REEP1: variants seen among roughly 807,000 people sequenced by gnomAD.
REEP1 encodes the protein receptor accessory protein 1.
In REEP1, 22 loss-of-function variants were observed where a neutral mutation model predicts 40.3. The ratio of observed to expected loss-of-function variants is 0.55; its 90% CI spans 0.39 to 0.78. The LOEUF (loss-of-function observed/expected upper bound fraction) is 0.78. REEP1 is among the 30% of genes least tolerant of loss of function. The pLI, the probability that REEP1 is intolerant of heterozygous loss-of-function variation, is 0.00. For missense variants in REEP1, 280 were observed against 361.1 expected (o/e 0.78, Z 1.82); for synonymous variants, 116 against 139.2 (o/e 0.83, Z 1.17).
chr2:86,272,187 A>C (rs1416099010), intron 2 of REEP1, among the ~76,000 whole-genome samples: 2 of 152,174 alleles, frequency 1.3e-5, no homozygotes, highest in Admixed American at 6.5e-5. Context: ...ACGCCACTGC[A>C]CTCCAGCCTG....
chr2:86,283,414 T>C (rs905418790), intron 1 of REEP1, among the ~76,000 whole-genome samples: 11 of 152,086 alleles, frequency 7.2e-5, no homozygotes, highest in Admixed American at 3.3e-4. Flanking sequence ...TGAGCTGACA[T>C]CTCCTGTGAC....
chr2:86,229,560 C>T (rs1360596057), intron 6 of REEP1, among the ~76,000 whole-genome samples: 3 of 151,318 alleles, frequency 2.0e-5, no homozygotes, highest in African/African-American at 7.3e-5. Context: ...GAAATTCTGC[C>T]CCATATCCAC....
At chr2:86,254,899 G>T (rs1676472726) in intron 3 of REEP1, 85 bp from the exon 4 acceptor site, 1 of 1,491,490 alleles carries the variant, frequency 6.7e-7, no homozygotes, top group Non-Finnish European at 9.2e-7. Context: ...GGGTGGCAAG[G>T]ACGCCTCTCC....
intron 2 of REEP1, among the ~76,000 whole-genome samples, chr2:86,268,313 G>A (rs1008388063): frequency 1.3e-5 from 2 of 152,182 alleles, no homozygotes; most frequent in Non-Finnish European, 2.9e-5. Context: ...AGGATACAAG[G>A]TTAATGTATA....
chr2:86,237,042 T>A (rs1383044771), intron 5 of REEP1, among the ~76,000 whole-genome samples: 1 of 152,242 alleles, frequency 6.6e-6, no homozygotes, highest in Non-Finnish European at 1.5e-5. Flanking sequence ...CAGATTTTCA[T>A]CAATTTTAAG....
At position 86,326,078 on chromosome 2, in the gene REEP1, C is replaced by A. The variant is rs1442170020; in HGVS notation, c.32+11401G>T. Among the ~76,000 whole-genome samples, 7 of 152,290 alleles carry A rather than the reference C, an allele frequency of 4.6e-5. No homozygotes were observed. The East Asian group carries it at 1.3e-3, about 29-fold the overall frequency. On this transcript the variant is annotated intron_variant, in intron 1 of 8. Coordinates refer to ENST00000538924, the MANE Select transcript of REEP1 (RefSeq NM_001371279.1). The stretch of plus-strand genomic sequence containing the variant: ...CCTACAATTTCCAACCAAAGCCAGA[C>A]AAGTCATTCACACACACCCACAAAA...
intron 1 of REEP1, among the ~76,000 whole-genome samples, chr2:86,335,251 T>G (rs898397346): frequency 6.6e-6 from 1 of 152,214 alleles, no homozygotes; most frequent in East Asian, 1.9e-4. Flanking sequence ...AAATATTGTC[T>G]TCATGAAACA....
intron 6 of REEP1, among the ~76,000 whole-genome samples, chr2:86,227,659 CAG>C (rs1283851372): frequency 6.6e-6 from 1 of 152,220 alleles, no homozygotes; most frequent in East Asian, 1.9e-4. Context: ...AGGCCGGAGA[CAG>C]AGTCAAAGTT....
intron 8 of REEP1, among the ~76,000 whole-genome samples, chr2:86,219,607 G>A (rs376143941): frequency 1.1e-4 from 17 of 151,954 alleles, no homozygotes; most frequent in Middle Eastern, 3.4e-3. Context: ...CACTACACCC[G>A]GCTAATTTTT....
intron 2 of REEP1, among the ~76,000 whole-genome samples, chr2:86,269,632 A>G (rs1677328303): frequency 6.6e-6 from 1 of 152,190 alleles, no homozygotes; most frequent in Non-Finnish European, 1.5e-5. Flanking sequence ...TAAGCTCCCA[A>G]CCAACTGAAT....
chr2:86,305,822 G>C (rs1323471813), intron 1 of REEP1, among the ~76,000 whole-genome samples: 1 of 152,030 alleles, frequency 6.6e-6, no homozygotes, highest in East Asian at 1.9e-4. Context: ...CCTCCTCATT[G>C]CATGCCCGGA....
intron 1 of REEP1, among the ~76,000 whole-genome samples, chr2:86,298,620 T>C (rs529287372): frequency 2.0e-5 from 3 of 152,330 alleles, no homozygotes; most frequent in African/African-American, 7.2e-5. Flanking sequence ...TTCTACCGTG[T>C]GGACGCTTTG....
intron 1 of REEP1, among the ~76,000 whole-genome samples, chr2:86,296,331 A>T (rs1034264515): frequency 6.6e-6 from 1 of 152,252 alleles, no homozygotes; most frequent in East Asian, 1.9e-4. Context: ...CACAGACTGG[A>T]AATGTGGATC....
rs183159551 is a variant in REEP1, at chr2:86,291,979, A to G, written c.33-9737T>C. Among the ~76,000 whole-genome samples the G allele has an allele frequency of 1.6e-3, 247 of 152,310 alleles. 3 individuals carry two copies. The highest frequency in any genetic ancestry group is 6.6e-4 in the Non-Finnish European group (45 of 68,030). On this transcript the variant is annotated intron_variant, in intron 1 of 8. Transcript: ENST00000538924. The stretch of plus-strand genomic sequence containing the variant: ...TCCAATCCACACAAATCCCTCAACC[A>G]CAAATGTCTGCCTAAATCTGTTGTT...
intron 2 of REEP1, among the ~76,000 whole-genome samples, chr2:86,267,031 A>C (rs994769134): frequency 4.6e-5 from 7 of 151,768 alleles, no homozygotes; most frequent in East Asian, 1.9e-4. Context: ...ACAAAAAAAA[A>C]CAACCAAACT....
At chr2:86,334,836 A>C (rs1216991184) in intron 1 of REEP1, among the ~76,000 whole-genome samples, 1 of 152,168 alleles carries the variant, frequency 6.6e-6, no homozygotes, top group African/African-American at 2.4e-5. Context: ...GGAGGGACTC[A>C]TCATTGATTT....
intron 8 of REEP1, among the ~76,000 whole-genome samples, chr2:86,218,342 C>G (rs910877912): frequency 6.6e-6 from 1 of 152,174 alleles, no homozygotes; most frequent in Non-Finnish European, 1.5e-5. Context: ...GAGGGCAGGC[C>G]CATGTCGCAT....
intron 1 of REEP1, among the ~76,000 whole-genome samples, chr2:86,331,123 A>G (rs944607187): frequency 6.6e-6 from 1 of 152,098 alleles, no homozygotes; most frequent in Non-Finnish European, 1.5e-5. Flanking sequence ...TGTATTCTTC[A>G]CTTTTACTTA....
At chr2:86,317,440 A>G (rs562641850) in intron 1 of REEP1, among the ~76,000 whole-genome samples, 2 of 152,226 alleles carry the variant, frequency 1.3e-5, no homozygotes, top group East Asian at 3.9e-4. Flanking sequence ...AGGGGATCTC[A>G]AGAACCTTTC....
Sources: gnomAD v4.1 joint callset for allele counts (sites outside exome capture counted in the v4.1 genomes callset) on GRCh38, gnomAD v4.1.1 for gene constraint, MANE v1.5 for transcripts, NCBI Gene and HGNC (gene_info 2026-07-23, HGNC 2026-07-21) for gene names.